PHLDB2: variants seen among roughly 807,000 people sequenced by gnomAD.
PHLDB2 encodes pleckstrin homology like domain family B member 2, also known as pleckstrin homology-like domain family B member 2.
A neutral mutation model predicts 123.6 loss-of-function variants in PHLDB2; 71 were observed. The observed-to-expected ratio is 0.57, with a 90% CI of 0.47 to 0.70. The LOEUF (loss-of-function observed/expected upper bound fraction) is 0.70, where lower values mean the gene tolerates loss of function less well. PHLDB2 is among the 30% of genes least tolerant of loss of function. The pLI is 0.00. For missense variants in PHLDB2, 1,446 were observed against 1,519.5 expected (o/e 0.95, Z 0.80); for synonymous variants, 547 against 541.6 (o/e 1.01, Z -0.14).
chr3:111,732,608 ACT>A (rs760401880), exon 1 of PHLDB2: 605 of 1,533,360 alleles, frequency 3.9e-4, no homozygotes, highest in Non-Finnish European at 5.1e-4. Context: ...CCAACATCCC[ACT>A]CTCTTCAGCA....
At chr3:111,885,548 T>G (rs1200730370) in intron 2 of PHLDB2, 136 bp downstream of exon 2, 20 of 1,132,642 alleles carry the variant, frequency 1.8e-5, no homozygotes, top group African/African-American at 3.0e-5. Flanking sequence ...TATCTTTCTC[T>G]TCTCTCCTGC....
chr3:111,821,169 T>C (rs982805326), intron 1 of PHLDB2, among the ~76,000 whole-genome samples: 1 of 152,204 alleles, frequency 6.6e-6, no homozygotes, highest in Non-Finnish European at 1.5e-5. Flanking sequence ...TGTCCCAAGA[T>C]GAAACCCAAA....
chr3:111,857,650 A>G (rs2064581388), upstream of PHLDB2, among the ~76,000 whole-genome samples: 1 of 152,154 alleles, frequency 6.6e-6, no homozygotes. Context: ...AACTCAGGAC[A>G]GGGAAAAGAA....
chr3:111,876,066 G>T (rs1468542865), intron 1 of PHLDB2, among the ~76,000 whole-genome samples: 1 of 152,060 alleles, frequency 6.6e-6, no homozygotes, highest in African/African-American at 2.4e-5. Flanking sequence ...CATTGTTATT[G>T]TTATTATTGC....
At chr3:111,805,873 A>G (rs555458308) in intron 1 of PHLDB2, among the ~76,000 whole-genome samples, 2 of 148,682 alleles carry the variant, frequency 1.3e-5, no homozygotes, top group South Asian at 4.5e-4. Flanking sequence ...AGAAGAAAAA[A>G]GAAAAGATAC....
chr3:111,913,587 C>T lies in PHLDB2; in HGVS notation c.1604C>T (p.Pro535Leu). The change falls in exon 3 of 18, where the codon CCC (proline) becomes CTC (leucine). Residue 535 changes from proline to leucine, a missense_variant. By Grantham distance (98) the Pro-to-Leu change is moderately conservative. Transcript: ENST00000431670. ...CAGAGCAGTGCCAGCTTCTTTACCC[C>T]CAGGAGCACCAGGAATGATGAACTA... ...LSQSSASFFTPRSTRNDELLS... is the reference protein window; with the variant it reads ...LSQSSASFFTLRSTRNDELLS... 1 of 1,614,146 alleles carries T rather than the reference C, an allele frequency of 6.2e-7. No individual in the cohort carries two copies. Among genetic ancestry groups the T allele is most frequent in the Non-Finnish European group, 8.5e-7 (1 of 1,180,028 alleles).
chr3:111,841,455 G>A (rs1160896142), intron 1 of PHLDB2, among the ~76,000 whole-genome samples: 1 of 152,190 alleles, frequency 6.6e-6, no homozygotes, highest in Non-Finnish European at 1.5e-5. Context: ...AGGAAAGGTG[G>A]AAGGTTGCAT....
intron 15 of PHLDB2, among the ~76,000 whole-genome samples, chr3:111,968,551 G>A (rs1390981759): frequency 6.6e-6 from 1 of 152,152 alleles, no homozygotes; most frequent in African/African-American, 2.4e-5. Context: ...GTAATTTAAA[G>A]CTGAACTCTA....
At chr3:111,749,970 A>G (rs1328208791) in intron 1 of PHLDB2, among the ~76,000 whole-genome samples, 1 of 152,016 alleles carries the variant, frequency 6.6e-6, no homozygotes, top group Non-Finnish European at 1.5e-5. Flanking sequence ...TTGCAGAGAA[A>G]TATCATTAAT....
At chr3:111,838,855 TA>T (rs756183321) in intron 1 of PHLDB2, among the ~76,000 whole-genome samples, 1 of 152,236 alleles carries the variant, frequency 6.6e-6, no homozygotes, top group Non-Finnish European at 1.5e-5. Flanking sequence ...GATACACTTC[TA>T]AATCTAATTT....
At chr3:111,903,399 G>A (rs1480735074) in intron 2 of PHLDB2, among the ~76,000 whole-genome samples, 1 of 152,156 alleles carries the variant, frequency 6.6e-6, no homozygotes, top group Non-Finnish European at 1.5e-5. Flanking sequence ...TTTCTCCCCA[G>A]GTTACTATGG....
intron 1 of PHLDB2, among the ~76,000 whole-genome samples, chr3:111,825,064 G>A (rs1034148971): frequency 6.6e-6 from 1 of 152,182 alleles, no homozygotes; most frequent in African/African-American, 2.4e-5. Flanking sequence ...CCCCTGAGAA[G>A]AAATTTTTGT....
At chr3:111,763,055 TTC>T (rs1453868357) in intron 1 of PHLDB2, among the ~76,000 whole-genome samples, 1 of 152,212 alleles carries the variant, frequency 6.6e-6, no homozygotes, top group African/African-American at 2.4e-5. Flanking sequence ...CTCCCAGCAC[TTC>T]TACAGGCAGC....
Position 111,969,862 on chromosome 3 carries a change from G to T in PHLDB2, c.3488G>T (p.Arg1163Leu), listed in dbSNP as rs1038867679. Reference protein sequence around the residue: ...MGGKIKTWKKRWFVFDRNKRT... With the variant: ...MGGKIKTWKKLWFVFDRNKRT... ...GGGAAAATTAAAACGTGGAAAAAAC[G>T]TTGGTTTGTTTTTGATCGGAACAAG... is the stretch of plus-strand genomic sequence containing the variant. The change falls in exon 16 of 18, where the codon CGT (arginine) becomes CTT (leucine). Residue 1163 changes from arginine (R) to leucine (L), a missense_variant. Arg to Leu is a moderately radical substitution (Grantham distance 102, BLOSUM62 -2). Transcript: ENST00000431670. 4 of 1,614,018 alleles carry T rather than the reference G, an allele frequency of 2.5e-6. No homozygotes were observed. Among genetic ancestry groups the T allele is most frequent in the South Asian group, 1.1e-5 (1 of 91,086 alleles).
chr3:111,773,243 C>T (rs890816354), intron 1 of PHLDB2, among the ~76,000 whole-genome samples: 2 of 152,170 alleles, frequency 1.3e-5, no homozygotes, highest in Non-Finnish European at 2.9e-5. Context: ...CCAGGCTCTG[C>T]TCCAAACCTG....
chr3:111,884,543 A>G lies in PHLDB2; in HGVS notation c.466A>G (p.Lys156Glu), dbSNP rs1435262288. The change falls in exon 2 of 18, where the codon AAA (lysine) becomes GAA (glutamate). Residue 156 changes from lysine to glutamate, a missense_variant. Coordinates refer to ENST00000431670, the MANE Select transcript of PHLDB2 (RefSeq NM_001134438.2). Reference sequence around the variant, plus strand: ...CTATTCCAAATATAGCTCAAGGCATAAATCGCATGACAATGTCTACTCTCT... The same window carrying G: ...CTATTCCAAATATAGCTCAAGGCATGAATCGCATGACAATGTCTACTCTCT... ...PPYSKYSSRH[K>E]SHDNVYSLGG... is the part of the protein sequence containing the mutation. 1.9e-6 allele frequency: 3 copies of G among 1,614,064 alleles called. No homozygotes were observed. Among genetic ancestry groups the G allele is most frequent in the Non-Finnish European group, 1.7e-6 (2 of 1,180,048 alleles).
chr3:111,915,052 G>A (rs1047931302), intron 3 of PHLDB2: 1 of 152,086 alleles, frequency 6.6e-6, no homozygotes, highest in Admixed American at 6.6e-5. Flanking sequence ...AACAAAAATA[G>A]TAAATAGGAG....
chr3:111,930,972 C>T (rs887411968), intron 5 of PHLDB2, among the ~76,000 whole-genome samples: 23 of 152,128 alleles, frequency 1.5e-4, no homozygotes, highest in African/African-American at 4.1e-4. Context: ...GTATTGATAT[C>T]ATGTAGTTTT....
At chr3:111,829,383 G>C (rs1230273150) in intron 1 of PHLDB2, among the ~76,000 whole-genome samples, 4 of 138,088 alleles carry the variant, frequency 2.9e-5, no homozygotes, top group Non-Finnish European at 6.1e-5. Context: ...TGGATTCCTG[G>C]TTCTTCCATT....
Sources: allele counts gnomAD v4.1 joint callset (sites outside exome capture counted in the v4.1 genomes callset), GRCh38; gene constraint gnomAD v4.1.1; transcripts MANE v1.5; gene names NCBI Gene and HGNC (gene_info 2026-07-23, HGNC 2026-07-21).